TBC1D4: variants seen among roughly 807,000 people sequenced by gnomAD.
TBC1D4 encodes the protein TBC1 domain family member 4.
In TBC1D4, 121 loss-of-function variants were observed where a neutral mutation model predicts 142.5. The ratio of observed to expected loss-of-function variants is 0.85; its 90% CI spans 0.73 to 0.99. The LOEUF is 0.99. Among genes scored for constraint, TBC1D4 ranks in the 50% least tolerant of loss-of-function variants. The pLI is 0.00. For synonymous variants in TBC1D4, 630 were observed against 628.2 expected, an observed-to-expected ratio of 1.00 and a Z score of -0.04; for missense variants, 1,475 against 1,606.6, an observed-to-expected ratio of 0.92 and a Z score of 1.40.
intron 1 of TBC1D4, among the ~76,000 whole-genome samples, chr13:75,419,950 G>A (rs1164212821): frequency 3.3e-5 from 5 of 152,224 alleles, no homozygotes; most frequent in African/African-American, 1.2e-4. Flanking sequence ...AGAAGTCCTC[G>A]CGCAGGAAGC....
chr13:75,336,565 G>A (rs1043650412), intron 8 of TBC1D4, among the ~76,000 whole-genome samples: 12 of 152,030 alleles, frequency 7.9e-5, no homozygotes, highest in African/African-American at 1.9e-4. Flanking sequence ...AAAATTAGCC[G>A]GACATGGTGA....
rs771256412 is a variant in TBC1D4, at chr13:75,302,368, T to C, written c.2786A>G (p.Gln929Arg). 3 of 1,614,150 alleles carry C rather than the reference T, an allele frequency of 1.9e-6. No homozygotes were observed. Among genetic ancestry groups the C allele is most frequent in the East Asian group, 2.2e-5 (1 of 44,870 alleles). The change falls in exon 16 of 21, where the codon CAG becomes CGG. Residue 929 changes from glutamine (Q) to arginine (R), a missense_variant. Transcript: ENST00000377636. The stretch of plus-strand genomic sequence containing the variant: ...GAGTCGGTACTGTAAAGCCAGAAAC[T>C]GCCAAATTTCTCCTCGTCGACTTTT... The part of the protein sequence containing the change: ...VPKSRRGEIW[Q>R]FLALQYRLRH...
rs781460207 is a variant in TBC1D4 at position 75,299,537 on chromosome 13, C to A, written c.2949G>T (p.Gln983His). The change falls in exon 17 of 21, where the codon CAG becomes CAT. Residue 983 changes from glutamine to histidine, a missense_variant. Transcript: ENST00000377636. Reference sequence around the variant, plus strand: ...ACAGTGACAGCTGTCCTGGCCCAAGCTGTACTGAAAAGTAAGGGTGAGTAG... The same window carrying A: ...ACAGTGACAGCTGTCCTGGCCCAAGATGTACTGAAAAGTAAGGGTGAGTAG... Reference protein sequence around the residue: ...TFPTHPYFSVQLGPGQLSLFN... With the variant: ...TFPTHPYFSVHLGPGQLSLFN... 3.1e-6 allele frequency: 5 copies of A among 1,614,136 alleles called. 1 individual carries two copies. Among genetic ancestry groups the A allele is most frequent in the East Asian group, 2.2e-5 (1 of 44,884 alleles).
In TBC1D4 at chr13:75,341,544, G is replaced by C. The variant is rs777657183; in HGVS notation, c.1452C>G (p.Leu484=). 12 of 1,613,924 alleles carry C rather than the reference G, an allele frequency of 7.4e-6. No individual in the cohort carries two copies. In the East Asian group the frequency reaches 2.5e-4, roughly 33 times the overall value. The change falls in exon 6 of 21, where the codon CTC becomes CTG. Residue 484 remains leucine, a synonymous_variant. Transcript: ENST00000377636. ...PRAKLVIQRH[L]SSLTDNEQAD... is the part of the protein sequence containing the mutation. ...CTTGCTCATTATCTGTCAGTGATGAGAGATGCCTCTGTATCACCAGCTTGG... is the reference window on the plus strand; with the variant it reads ...CTTGCTCATTATCTGTCAGTGATGACAGATGCCTCTGTATCACCAGCTTGG...
At chr13:75,443,350 C>T (rs976602190) in intron 1 of TBC1D4, among the ~76,000 whole-genome samples, 1 of 152,198 alleles carries the variant, frequency 6.6e-6, no homozygotes, top group Non-Finnish European at 1.5e-5. Context: ...TTATAATCCC[C>T]TGAAAGTATT....
chr13:75,405,498 C>T (rs1885296685), intron 1 of TBC1D4, among the ~76,000 whole-genome samples: 1 of 152,100 alleles, frequency 6.6e-6, no homozygotes, highest in African/African-American at 2.4e-5. Context: ...TCTCGAACTC[C>T]TGAGTTCAGG....
intron 1 of TBC1D4, among the ~76,000 whole-genome samples, chr13:75,428,582 T>C (rs921163871): frequency 3.3e-5 from 5 of 152,188 alleles, no homozygotes; most frequent in Admixed American, 1.3e-4. Context: ...TCTAAATCAC[T>C]CTATGTACAG....
At chr13:75,421,815 A>G in intron 1 of TBC1D4, among the ~76,000 whole-genome samples, 1 of 152,360 alleles carries the variant, frequency 6.6e-6, no homozygotes, top group East Asian at 1.9e-4. Context: ...TCTATAAAAA[A>G]TACTGACTTT....
At chr13:75,348,852 A>G (rs1393760738) in intron 5 of TBC1D4, among the ~76,000 whole-genome samples, 3 of 152,198 alleles carry the variant, frequency 2.0e-5, no homozygotes, top group Non-Finnish European at 4.4e-5. Context: ...CCCACCATGT[A>G]CTTAGCAGAG....
intron 1 of TBC1D4, among the ~76,000 whole-genome samples, chr13:75,408,641 C>T (rs914942309): frequency 6.6e-6 from 1 of 152,164 alleles, no homozygotes; most frequent in East Asian, 1.9e-4. Context: ...TTTCAAAGAA[C>T]TGCGAGACAT....
chr13:75,290,295 T>C (rs1214840690), intron 19 of TBC1D4, among the ~76,000 whole-genome samples: 1 of 150,924 alleles, frequency 6.6e-6, no homozygotes, highest in Non-Finnish European at 1.5e-5. Context: ...TTATTTGCAT[T>C]TTTTTCCAGT....
chr13:75,390,938 C>T (rs934019141), intron 1 of TBC1D4, among the ~76,000 whole-genome samples: 3 of 151,316 alleles, frequency 2.0e-5, no homozygotes, highest in Non-Finnish European at 4.4e-5. Flanking sequence ...AGAGCTTCCA[C>T]AAGTTCTGAC....
At position 75,440,732 on chromosome 13, in the gene TBC1D4, T is replaced by C. The variant is rs1329636904; in HGVS notation, c.498+40538A>G. 2.1e-5 allele frequency among the ~76,000 whole-genome samples: 3 copies of C among 143,356 alleles called. No homozygotes were observed. In the East Asian group the frequency reaches 5.9e-4, roughly 28 times the overall value. The allele number at this position is 143,356 out of a possible 152,430, so 94.0% of individuals were successfully genotyped here. Reference sequence around the variant, plus strand: ...GCACACCCAGCTACTTTGGGTTTTATTTGTTTCTTTTTTTTTTTTTGTAGA... The same window carrying C: ...GCACACCCAGCTACTTTGGGTTTTACTTGTTTCTTTTTTTTTTTTTGTAGA... On this transcript the variant is annotated intron_variant, in intron 1 of 20. Coordinates refer to ENST00000377636, the MANE Select transcript of TBC1D4 (RefSeq NM_014832.5).
chr13:75,449,098 C>T (rs1887419828), intron 1 of TBC1D4, among the ~76,000 whole-genome samples: 1 of 151,842 alleles, frequency 6.6e-6, no homozygotes, highest in South Asian at 2.1e-4. Context: ...ATCACACTTA[C>T]ATTACCTAAT....
intron 1 of TBC1D4, among the ~76,000 whole-genome samples, chr13:75,367,479 TC>T (rs939818088): frequency 2.0e-5 from 3 of 151,778 alleles, no homozygotes; most frequent in African/African-American, 7.3e-5. Flanking sequence ...ATATTATTAA[TC>T]TTTTATAATA....
intron 11 of TBC1D4, among the ~76,000 whole-genome samples, chr13:75,321,772 C>T (rs1342274277): frequency 1.3e-5 from 2 of 151,718 alleles, no homozygotes; most frequent in Non-Finnish European, 2.9e-5. Flanking sequence ...CTTTTTGAAG[C>T]CAAAAACCTA....
chr13:75,463,252 T>C (rs1158700508), intron 1 of TBC1D4, among the ~76,000 whole-genome samples: 1 of 152,168 alleles, frequency 6.6e-6, no homozygotes, highest in Admixed American at 6.5e-5. Flanking sequence ...TACTCATGTG[T>C]TTTAACAAGA....
intron 7 of TBC1D4, among the ~76,000 whole-genome samples, chr13:75,340,755 T>C (rs112316446): frequency 1.3e-5 from 2 of 152,228 alleles, no homozygotes; most frequent in African/African-American, 4.8e-5. Flanking sequence ...GTGACCAGCC[T>C]GACCAACATG....
chr13:75,341,276 A>G, intron 6 of TBC1D4, 41 bp from the exon 7 acceptor site: 1 of 1,542,740 alleles, frequency 6.5e-7, no homozygotes. Flanking sequence ...TGGCAACACC[A>G]CTTCCCTCCT....
Sources: gnomAD v4.1 joint callset for allele counts (sites outside exome capture counted in the v4.1 genomes callset) on GRCh38, gnomAD v4.1.1 for gene constraint, MANE v1.5 for transcripts, NCBI Gene and HGNC (gene_info 2026-07-23, HGNC 2026-07-21) for gene names.